Variants in FAM222B observed in about 807,000 individuals in gnomAD.
The protein encoded by FAM222B is protein FAM222B.
In FAM222B, 12 loss-of-function variants were observed where a neutral mutation model predicts 38.0. That is an observed-to-expected ratio of 0.32 (90% confidence interval 0.20 to 0.51). The LOEUF (loss-of-function observed/expected upper bound fraction) is 0.51, where lower values mean the gene tolerates loss of function less well. Ranked by LOEUF, FAM222B falls within the 20% of genes least tolerant of loss-of-function variation. The pLI, the probability that FAM222B is intolerant of heterozygous loss-of-function variation, is 0.97. For synonymous variants in FAM222B, 329 were observed against 317.2 expected (o/e 1.04, Z -0.40); for missense variants, 716 against 754.2 (o/e 0.95, Z 0.59).
intron 1 of FAM222B, among the ~76,000 whole-genome samples, chr17:28,806,515 G>T (rs577890260): frequency 1.3e-5 from 2 of 152,150 alleles, no homozygotes; most frequent in Non-Finnish European, 2.9e-5. Context: ...TAGTCCCTTC[G>T]GTGGCTGGGT....
chr17:28,851,097 C>T (rs186635700), intron 1 of FAM222B, among the ~76,000 whole-genome samples: 2 of 150,290 alleles, frequency 1.3e-5, no homozygotes, highest in Non-Finnish European at 3.0e-5. Context: ...CCAGCCTGGG[C>T]GACAGAGGGA....
chr17:28,822,575 G>A (rs1313288955), intron 1 of FAM222B, among the ~76,000 whole-genome samples: 4 of 150,072 alleles, frequency 2.7e-5, no homozygotes, highest in African/African-American at 4.9e-5. Context: ...GGAAAGAGCC[G>A]AGATTGCACC....
rs774643433 is a variant in FAM222B at position 28,758,780 on chromosome 17, C to T, written c.1179G>A (p.Ala393=). ...CAGGCCCTGCCAACTCGCGTCCTGC[C>T]GCATGCTTGCCTGTCAGGCCAGGGG... is the stretch of plus-strand genomic sequence containing the variant. ...TPAPGLTGKH[A]AGRELAGPGF... The change falls in exon 3 of 3, where the codon GCG becomes GCA. Residue 393 remains alanine (A), a synonymous_variant. Coordinates refer to ENST00000581407, the MANE Select transcript of FAM222B (RefSeq NM_001077498.3). 6.1e-5 allele frequency: 96 copies of T among 1,574,192 alleles called. No individual in the cohort carries two copies. Among genetic ancestry groups the T allele is most frequent in the Middle Eastern group, 5.0e-4 (3 of 6,044 alleles).
chr17:28,800,736 A>G (rs1012064874), intron 1 of FAM222B, among the ~76,000 whole-genome samples: 1 of 151,992 alleles, frequency 6.6e-6, no homozygotes, highest in African/African-American at 2.4e-5. Context: ...CACTAAATAT[A>G]GGCCAAATAT....
At chr17:28,824,181 ATT>A (rs1303140162) in intron 1 of FAM222B, among the ~76,000 whole-genome samples, 11 of 140,282 alleles carry the variant, frequency 7.8e-5, no homozygotes, top group Admixed American at 7.3e-5. Flanking sequence ...CCGGCCGAGA[ATT>A]TTTTTTTTTT....
chr17:28,813,896 A>AGT (rs2037912859), intron 1 of FAM222B, among the ~76,000 whole-genome samples: 1 of 151,796 alleles, frequency 6.6e-6, no homozygotes, highest in Admixed American at 6.6e-5. Flanking sequence ...GTGTAGTGAT[A>AGT]GAGCACTACA....
rs553837718 is a variant in FAM222B at position 28,822,170 on chromosome 17, C to T, written c.-41+20512G>A. ...CCAAGTAGCTGGGACTACGGGCACG[C>T]GCCACCACACCCAGCTAATTTGTAT... On this transcript the variant is annotated intron_variant, in intron 1 of 2. Transcript: ENST00000581407. Among the ~76,000 whole-genome samples the T allele has an allele frequency of 4.0e-5, 6 of 150,518 alleles. No homozygotes were observed. The South Asian group carries it at 6.4e-4, about 16-fold the overall frequency.
At chr17:28,760,596 A>G (rs1273378981) in intron 2 of FAM222B, among the ~76,000 whole-genome samples, 4 of 151,884 alleles carry the variant, frequency 2.6e-5, no homozygotes, top group Non-Finnish European at 5.9e-5. Flanking sequence ...AGAAAAAAAA[A>G]AAAGAGAGAA....
chr17:28,848,985 G>T (rs2039163742), intron 1 of FAM222B: 3 of 151,412 alleles, frequency 2.0e-5, no homozygotes, highest in African/African-American at 7.3e-5. Flanking sequence ...GACCCGGCCG[G>T]GCGCGGTGGC....
At chr17:28,807,010 CTTT>C (rs947924404) in intron 1 of FAM222B, among the ~76,000 whole-genome samples, 2 of 151,616 alleles carry the variant, frequency 1.3e-5, no homozygotes, top group Non-Finnish European at 2.9e-5. Context: ...GACTATTTAT[CTTT>C]TTTTATCTTT....
At chr17:28,849,051 G>C (rs1477186515) in intron 1 of FAM222B, 2 of 152,076 alleles carry the variant, frequency 1.3e-5, no homozygotes, top group African/African-American at 4.8e-5. Flanking sequence ...CACGAGGTTA[G>C]GAGATCGAGA....
chr17:28,803,369 G>A (rs939033729), intron 1 of FAM222B, among the ~76,000 whole-genome samples: 1 of 151,884 alleles, frequency 6.6e-6, no homozygotes, highest in Non-Finnish European at 1.5e-5. Flanking sequence ...CACTACTTGG[G>A]ATAGCAGCTC....
Position 28,781,507 on chromosome 17 carries a change from A to G in FAM222B, c.-40-14800T>C, listed in dbSNP as rs926897259. ...TCACAAAACTGGAAACAGAACTACC[A>G]TATGATCCAGCAATCCCACTACTGG... On this transcript the variant is annotated intron_variant, in intron 1 of 2. Transcript: ENST00000581407. Among the ~76,000 whole-genome samples the G allele has an allele frequency of 2.0e-5, 3 of 152,170 alleles. No individual in the cohort carries two copies. The East Asian group carries it at 5.8e-4, about 29-fold the overall frequency.
chr17:28,776,375 C>CA (rs35900323), intron 1 of FAM222B, among the ~76,000 whole-genome samples: 16,730 of 61,916 alleles, frequency 0.27, 2,377 homozygotes, highest in African/African-American at 0.39. Flanking sequence ...GACTCCGTCT[C>CA]AAAAAAAAAA....
intron 1 of FAM222B, among the ~76,000 whole-genome samples, chr17:28,798,940 A>G (rs2037076743): frequency 6.7e-6 from 1 of 148,502 alleles, no homozygotes; most frequent in African/African-American, 2.5e-5. Context: ...ATAAAAAGCA[A>G]TTTATCAACT....
At chr17:28,790,905 T>A (rs1436215537) in intron 1 of FAM222B, among the ~76,000 whole-genome samples, 2 of 118,218 alleles carry the variant, frequency 1.7e-5, no homozygotes, top group East Asian at 4.7e-4. Flanking sequence ...TTTTTTTTTT[T>A]TTTTTTTTTT....
At position 28,758,152 on chromosome 17, in the gene FAM222B, A is replaced by C. The variant is rs1234348609; in HGVS notation, c.*118T>G. On this transcript the variant is annotated 3_prime_UTR_variant, in exon 3 of 3. Transcript: ENST00000581407. ...TAGATCCCACCAAATTCCCTTTCTT[A>C]GACATCTAAGAATGATCACACTGGA... The C allele has an allele frequency of 1.1e-6, 1 of 913,280 alleles. No homozygotes were observed. The highest frequency in any genetic ancestry group is 2.7e-5 in the East Asian group (1 of 37,302). 56.6% of individuals were successfully genotyped at this position (913,280 alleles called of 1,614,324 possible).
chr17:28,790,914 T>A (rs947100780), intron 1 of FAM222B, among the ~76,000 whole-genome samples: 1 of 127,642 alleles, frequency 7.8e-6, no homozygotes, highest in African/African-American at 3.0e-5. Flanking sequence ...TTTTTTTTTT[T>A]TAGAGACAGA....
In FAM222B at chr17:28,757,340, G is replaced by A. The variant is rs1319231545; in HGVS notation, c.*930C>T. The A allele has an allele frequency of 6.6e-6, 1 of 151,938 alleles. No individual in the cohort carries two copies. 9.4% of individuals were successfully genotyped at this position (151,938 alleles called of 1,614,324 possible). A position where few individuals can be genotyped will look rare whatever the true frequency, so the allele number is the denominator to read the frequency against. On this transcript the variant is annotated 3_prime_UTR_variant, in exon 3 of 3. Coordinates refer to ENST00000581407, the MANE Select transcript of FAM222B (RefSeq NM_001077498.3). ...TAACGTTTAAAACTTACAGTGTAGAGCAATATTCTTAGCCAGTGTAGAGAG... is the reference window on the plus strand; with the variant it reads ...TAACGTTTAAAACTTACAGTGTAGAACAATATTCTTAGCCAGTGTAGAGAG...
Sources: allele counts gnomAD v4.1 joint callset (sites outside exome capture counted in the v4.1 genomes callset), GRCh38; gene constraint gnomAD v4.1.1; transcripts MANE v1.5; gene names NCBI Gene and HGNC (gene_info 2026-07-23, HGNC 2026-07-21).